POLR1A: variants seen among roughly 807,000 people sequenced by gnomAD.
The protein encoded by POLR1A is RNA polymerase I subunit A.
Under a neutral mutation model 205.3 loss-of-function variants are expected in POLR1A, and 84 were observed. That is an observed-to-expected ratio of 0.41 (90% confidence interval 0.34 to 0.49). POLR1A has a LOEUF of 0.49. POLR1A is among the 20% of genes least tolerant of loss of function. The pLI, the probability that POLR1A is intolerant of heterozygous loss-of-function variation, is 0.22. For missense variants in POLR1A, 1,645 were observed against 2,204.5 expected (o/e 0.75, Z 5.08); for synonymous variants, 799 against 863.7 (o/e 0.93, Z 1.31).
intron 8 of POLR1A, among the ~76,000 whole-genome samples, chr2:86,081,317 A>C (rs1673397146): frequency 6.6e-6 from 1 of 152,026 alleles, no homozygotes; most frequent in African/African-American, 2.4e-5. Context: ...AATCACTTGA[A>C]CCCAGGAGGC....
rs977132979 is a variant in POLR1A at position 86,021,541 on chromosome 2, G to C, written c.*5882C>G. 5.2e-5 allele frequency: 8 copies of C among 152,452 alleles called. No individual in the cohort carries two copies. The highest frequency in any genetic ancestry group is 1.9e-4 in the African/African-American group (8 of 41,458). The allele number at this position is 152,452 out of a possible 1,614,324, so 9.4% of individuals were successfully genotyped here. ...TGTCCTTCCTACAAAGCACCCTCTA[G>C]AGTGCAGCCAGCTGGGCAAGGCATG... On this transcript the variant is annotated 3_prime_UTR_variant, in exon 34 of 34. Coordinates refer to ENST00000263857, the MANE Select transcript of POLR1A (RefSeq NM_015425.6).
At chr2:86,053,094 A>T in intron 15 of POLR1A, 94 bp from the exon 16 acceptor site, 6 of 920,302 alleles carry the variant, frequency 6.5e-6, no homozygotes, top group Non-Finnish European at 9.2e-6. Flanking sequence ...TCGTTGTGCA[A>T]GTCCCTCTAC....
intron 33 of POLR1A, 30 bp downstream of exon 33, chr2:86,027,855 G>A (rs777723912): frequency 6.2e-7 from 1 of 1,612,804 alleles, no homozygotes; most frequent in South Asian, 1.1e-5. Context: ...TCAGTAGAGG[G>A]GAGGCCAGGG....
chr2:86,027,838 A>G, intron 33 of POLR1A, 47 bp downstream of exon 33: 1 of 1,602,476 alleles, frequency 6.2e-7, no homozygotes. Context: ...CCGTGTGCCC[A>G]GAGTCGTCAG....
intron 6 of POLR1A, among the ~76,000 whole-genome samples, chr2:86,085,063 G>A (rs1330202758): frequency 6.6e-6 from 1 of 152,182 alleles, no homozygotes; most frequent in Non-Finnish European, 1.5e-5. Context: ...CTGGGTTCAC[G>A]CCATTCTCCT....
At chr2:86,084,121 C>T (rs997527385) in intron 6 of POLR1A, among the ~76,000 whole-genome samples, 2 of 152,140 alleles carry the variant, frequency 1.3e-5, no homozygotes, top group African/African-American at 4.8e-5. Flanking sequence ...CAAAAATTAG[C>T]CGGGCATGGT....
chr2:86,063,234 C>G (rs1358585387), intron 14 of POLR1A, among the ~76,000 whole-genome samples: 1 of 140,296 alleles, frequency 7.1e-6, no homozygotes. Flanking sequence ...ACTTGGGAGG[C>G]TGAGGCAGGA....
rs531157251 is a variant in POLR1A at position 86,095,949 on chromosome 2, C to T, written c.432+2662G>A. ...TTCTTCGTGTTAGCTAGGATGGTCT[C>T]GATCTCCTGACCTTGTGATCCACCT... On this transcript the variant is annotated intron_variant, in intron 3 of 33. Coordinates refer to ENST00000263857, the MANE Select transcript of POLR1A (RefSeq NM_015425.6). 1.2e-4 allele frequency among the ~76,000 whole-genome samples: 18 copies of T among 152,044 alleles called. No individual in the cohort carries two copies. In the South Asian group the frequency reaches 2.5e-3, roughly 21 times the overall value.
At chr2:86,099,867 G>T in intron 2 of POLR1A, 101 bp downstream of exon 2, 1 of 897,624 alleles carries the variant, frequency 1.1e-6, no homozygotes, top group Non-Finnish European at 1.8e-6. Flanking sequence ...TCATTGGAGT[G>T]CCTGGGGCTT....
chr2:86,074,476 T>A (rs1357047414), intron 12 of POLR1A, among the ~76,000 whole-genome samples: 1 of 152,198 alleles, frequency 6.6e-6, no homozygotes, highest in Admixed American at 6.5e-5. Flanking sequence ...CACAGAGCTG[T>A]CACCTGCTGA....
chr2:86,091,078 G>C (rs753580102), intron 3 of POLR1A, among the ~76,000 whole-genome samples: 1 of 152,080 alleles, frequency 6.6e-6, no homozygotes, highest in Non-Finnish European at 1.5e-5. Context: ...GGAACACAAA[G>C]GACTATACTC....
intron 11 of POLR1A, among the ~76,000 whole-genome samples, chr2:86,075,649 C>T (rs1673267109): frequency 6.6e-6 from 1 of 152,144 alleles, no homozygotes; most frequent in Non-Finnish European, 1.5e-5. Flanking sequence ...ACTGGGATTA[C>T]AGGCACACAC....
At chr2:86,044,066 G>T in intron 22 of POLR1A, 73 bp downstream of exon 22, 1 of 1,469,912 alleles carries the variant, frequency 6.8e-7, no homozygotes, top group Non-Finnish European at 9.5e-7. Flanking sequence ...AAAGCTCAGC[G>T]CATTCCAGTT....
At chr2:86,027,598 G>T (rs1199504849) in intron 33 of POLR1A, 75 bp from the exon 34 acceptor site, 4 of 1,292,012 alleles carry the variant, frequency 3.1e-6, no homozygotes, top group Non-Finnish European at 4.5e-6. Context: ...TTATGGGGCT[G>T]AACACTGAAG....
Position 86,028,991 on chromosome 2 carries a change from T to A in POLR1A, c.4780-280A>T, listed in dbSNP as rs1009474259. Among the ~76,000 whole-genome samples the A allele has an allele frequency of 6.6e-6, 1 of 152,192 alleles. No homozygotes were observed. Among genetic ancestry groups the A allele is most frequent in the Non-Finnish European group, 1.5e-5 (1 of 68,026 alleles). On this transcript the variant is annotated intron_variant, in intron 31 of 33. Coordinates refer to ENST00000263857, the MANE Select transcript of POLR1A (RefSeq NM_015425.6). This position sits in a 1 kb window ranked among gnomAD's most constrained non-coding sequence, Gnocchi z 4.5. ...GATTCAATGGGAAGAAAAGGATTTT[T>A]TCTTCTTATTTTTAAACTGAGACCT...
intron 30 of POLR1A, among the ~76,000 whole-genome samples, chr2:86,030,920 AGTGT>A (rs1672374512): frequency 6.6e-6 from 1 of 152,210 alleles, no homozygotes; most frequent in Non-Finnish European, 1.5e-5. Flanking sequence ...GGGCACGAAC[AGTGT>A]CTCTACAACA....
At chr2:86,077,417 G>T (rs949053231) in intron 11 of POLR1A, among the ~76,000 whole-genome samples, 4 of 152,158 alleles carry the variant, frequency 2.6e-5, no homozygotes, top group African/African-American at 9.7e-5. Context: ...CAGTAACCTG[G>T]GGTACACATT....
At chr2:86,068,119 C>T (rs771521463) in intron 13 of POLR1A, among the ~76,000 whole-genome samples, 1 of 152,164 alleles carries the variant, frequency 6.6e-6, no homozygotes, top group Non-Finnish European at 1.5e-5. Context: ...CGTATTCAAT[C>T]AAAATCAAGC....
rs973195983 is a variant in POLR1A, at chr2:86,023,300, A to G, written c.*4123T>C. The G allele has an allele frequency of 6.6e-6, 1 of 152,222 alleles. No individual in the cohort carries two copies. Among genetic ancestry groups the G allele is most frequent in the Non-Finnish European group, 1.5e-5 (1 of 68,044 alleles). 9.4% of individuals were successfully genotyped at this position (152,222 alleles called of 1,614,324 possible). A position where few individuals can be genotyped will look rare whatever the true frequency, so the allele number is the denominator to read the frequency against. On this transcript the variant is annotated 3_prime_UTR_variant, in exon 34 of 34. Coordinates refer to ENST00000263857, the MANE Select transcript of POLR1A (RefSeq NM_015425.6). ...GCTGTGGTACGGGGCTGCCCCACTG[A>G]GCCATCTGCAGAGGTGGTATCACTC... is the stretch of plus-strand genomic sequence containing the variant.
Sources: gnomAD v4.1 joint callset for allele counts (sites outside exome capture counted in the v4.1 genomes callset) on GRCh38, gnomAD v4.1.1 for gene constraint, Gnocchi (gnomAD v3.1) non-coding constraint, MANE v1.5 for transcripts, NCBI Gene and HGNC (gene_info 2026-07-23, HGNC 2026-07-21) for gene names.